The following TIMMDC1 variants were observed in gnomAD, a reference collection of about 807,000 sequenced individuals.
TIMMDC1 encodes the protein complex I assembly factor TIMMDC1, mitochondrial.
Under a neutral mutation model 32.6 loss-of-function variants are expected in TIMMDC1, and 25 were observed. That is an observed-to-expected ratio of 0.77 (90% CI 0.56 to 1.07). The LOEUF (loss-of-function observed/expected upper bound fraction) is 1.07. Ranked by LOEUF, TIMMDC1 falls within the 50% of genes least tolerant of loss-of-function variation. The pLI, the probability that TIMMDC1 is intolerant of heterozygous loss-of-function variation, is 0.00. For synonymous variants in TIMMDC1, 130 were observed against 127.6 expected, an observed-to-expected ratio of 1.02 and a Z score of -0.13; for missense variants, 329 against 349.2, an observed-to-expected ratio of 0.94 and a Z score of 0.46.
At chr3:119,513,575 G>T in intron 4 of TIMMDC1, 66 bp from the exon 5 acceptor site, 1 of 1,261,786 alleles carries the variant, frequency 7.9e-7, no homozygotes, top group Non-Finnish European at 1.2e-6. Context: ...TTTGTAGAAG[G>T]AAAGTTTTAA....
chr3:119,503,460 C>T (rs1180290838), intron 2 of TIMMDC1, 72 bp from the exon 3 acceptor site: 13 of 1,176,978 alleles, frequency 1.1e-5, no homozygotes, highest in African/African-American at 1.6e-5. Flanking sequence ...GCTAAAATTC[C>T]TCTACCGCAG....
At chr3:119,516,753 CCA>C (rs1166561128) in intron 5 of TIMMDC1, among the ~76,000 whole-genome samples, 1 of 152,202 alleles carries the variant, frequency 6.6e-6, no homozygotes, top group East Asian at 1.9e-4. Flanking sequence ...CCCCCAAAAG[CCA>C]GTAGCATCCC....
intron 6 of TIMMDC1, among the ~76,000 whole-genome samples, chr3:119,519,732 T>C (rs1399640762): frequency 6.6e-6 from 1 of 152,130 alleles, no homozygotes; most frequent in Admixed American, 6.6e-5. Flanking sequence ...CAAAGAAATA[T>C]CAGACTTAAA....
At chr3:119,513,754 C>G (rs764132422) in intron 5 of TIMMDC1, 35 bp downstream of exon 5, 4 of 1,363,130 alleles carry the variant, frequency 2.9e-6, no homozygotes, top group Non-Finnish European at 4.1e-6. Flanking sequence ...TAAATTGGCA[C>G]AATTTTCATT....
chr3:119,510,248 T>A (rs2081944733), intron 4 of TIMMDC1, among the ~76,000 whole-genome samples: 1 of 151,986 alleles, frequency 6.6e-6, no homozygotes, highest in Admixed American at 6.6e-5. Context: ...AAAAATTTTC[T>A]TAATAATAGT....
intron 6 of TIMMDC1, among the ~76,000 whole-genome samples, chr3:119,519,999 C>T (rs971976255): frequency 1.3e-5 from 2 of 152,020 alleles, no homozygotes; most frequent in Non-Finnish European, 2.9e-5. Flanking sequence ...ATAATATGCT[C>T]TGGAACAACC....
At chr3:119,513,847 C>T (rs2081969524) in intron 5 of TIMMDC1, 128 bp downstream of exon 5, 1 of 587,926 alleles carries the variant, frequency 1.7e-6, no homozygotes. Flanking sequence ...TCTAGTCTTG[C>T]ATTGGCAGTA....
intron 4 of TIMMDC1, among the ~76,000 whole-genome samples, chr3:119,504,463 A>G (rs1055467041): frequency 6.6e-6 from 1 of 152,216 alleles, no homozygotes; most frequent in Non-Finnish European, 1.5e-5. Context: ...TAAAAGCAGG[A>G]TAATAACGTG....
At chr3:119,500,893 A>G (rs774659539) in intron 2 of TIMMDC1, 33 bp downstream of exon 2, 16 of 1,596,438 alleles carry the variant, frequency 1.0e-5, no homozygotes, top group South Asian at 9.1e-5. Context: ...AATTTGGGGC[A>G]CACTGACTTA....
At chr3:119,515,109 G>C (rs757519362) in intron 5 of TIMMDC1, among the ~76,000 whole-genome samples, 2 of 150,440 alleles carry the variant, frequency 1.3e-5, no homozygotes, top group African/African-American at 2.5e-5. Flanking sequence ...AGGATTGCTT[G>C]AACCCCATAT....
At chr3:119,500,668 A>G (rs780730442) in intron 1 of TIMMDC1, 27 bp from the exon 2 acceptor site, 1 of 1,600,564 alleles carries the variant, frequency 6.2e-7, no homozygotes. Flanking sequence ...ACTAATCCCA[A>G]ACAACATTGT....
At chr3:119,507,549 G>A (rs2081925708) in intron 4 of TIMMDC1, among the ~76,000 whole-genome samples, 1 of 152,094 alleles carries the variant, frequency 6.6e-6, no homozygotes, top group South Asian at 2.1e-4. Context: ...ATTCTTGCAT[G>A]CTATCTACTT....
At chr3:119,516,247 C>T (rs1377002802) in intron 5 of TIMMDC1, among the ~76,000 whole-genome samples, 1 of 151,792 alleles carries the variant, frequency 6.6e-6, no homozygotes, top group African/African-American at 2.4e-5. Context: ...AACTAATTTC[C>T]CCTCCCCATA....
At position 119,498,609 on chromosome 3, in the gene TIMMDC1, G is replaced by A. The variant is rs894784960; in HGVS notation, c.-125G>A. 5 of 929,944 alleles carry A rather than the reference G, an allele frequency of 5.4e-6. No individual in the cohort carries two copies. The highest frequency in any genetic ancestry group is 8.2e-6 in the Non-Finnish European group (5 of 608,246). 57.6% of individuals were successfully genotyped at this position (929,944 alleles called of 1,614,324 possible). A position where few individuals can be genotyped will look rare whatever the true frequency, so the allele number is the denominator to read the frequency against. On this transcript the variant is annotated 5_prime_UTR_variant, in exon 1 of 7. Coordinates refer to ENST00000494664, the MANE Select transcript of TIMMDC1 (RefSeq NM_016589.4). ...TGAAGGTGTGGGTGTCGAGCCCTCT[G>A]GCAGAGGGTTAACCTGGGTCAAATG... is the stretch of plus-strand genomic sequence containing the variant.
chr3:119,503,788 AT>A (rs1319322579), intron 3 of TIMMDC1, among the ~76,000 whole-genome samples, 165 bp from the exon 4 acceptor site: 2 of 150,520 alleles, frequency 1.3e-5, no homozygotes, highest in Non-Finnish European at 1.5e-5. Flanking sequence ...TGGTGTAGTT[AT>A]GGTTTTACAA....
At chr3:119,513,296 T>C (rs2081966075) in intron 4 of TIMMDC1, among the ~76,000 whole-genome samples, 1 of 151,730 alleles carries the variant, frequency 6.6e-6, no homozygotes, top group Non-Finnish European at 1.5e-5. Flanking sequence ...AGTGAAGGTT[T>C]TTTGCTTTTT....
At chr3:119,504,143 G>C in intron 4 of TIMMDC1, 122 bp downstream of exon 4, 1 of 694,070 alleles carries the variant, frequency 1.4e-6, no homozygotes, top group Non-Finnish European at 2.5e-6. Flanking sequence ...CATCAACATT[G>C]ATGCAAAATG....
chr3:119,511,619 T>A (rs143481314), intron 4 of TIMMDC1, among the ~76,000 whole-genome samples: 2 of 152,302 alleles, frequency 1.3e-5, no homozygotes, highest in East Asian at 1.9e-4. Flanking sequence ...CCACATAAAA[T>A]TTTTAAACCT....
intron 6 of TIMMDC1, among the ~76,000 whole-genome samples, chr3:119,518,141 A>G (rs1458880604): frequency 1.3e-5 from 2 of 152,148 alleles, no homozygotes; most frequent in Admixed American, 6.5e-5. Flanking sequence ...TATTGCATCT[A>G]ATCATCTCCT....
Sources: allele counts gnomAD v4.1 joint callset (sites outside exome capture counted in the v4.1 genomes callset), GRCh38; gene constraint gnomAD v4.1.1; transcripts MANE v1.5; gene names NCBI Gene and HGNC (gene_info 2026-07-23, HGNC 2026-07-21).